SDHB: variants seen among roughly 807,000 people sequenced by gnomAD.
The protein encoded by SDHB is succinate dehydrogenase complex iron sulfur subunit B.
SDHB carries 21 observed loss-of-function variants against 39.7 expected under a neutral mutation model. The ratio of observed to expected loss-of-function variants is 0.53; its 90% CI spans 0.37 to 0.76. SDHB has a LOEUF of 0.76. Ranked by LOEUF, SDHB falls within the 30% of genes least tolerant of loss-of-function variation. SDHB has a pLI of 0.00. For synonymous variants in SDHB, 118 were observed against 117.0 expected (o/e 1.01, Z -0.06); for missense variants, 343 against 350.9 (o/e 0.98, Z 0.18).
chr1:17,028,869 G>A, intron 3 of SDHB, 133 bp from the exon 4 acceptor site: 1 of 1,102,290 alleles, frequency 9.1e-7, no homozygotes, highest in Non-Finnish European at 1.4e-6. Context: ...TGACAGAGGT[G>A]CCTGTTGGCT....
chr1:17,024,139 A>T lies in SDHB; in HGVS notation c.541-65T>A, dbSNP rs1025704751. ...AGAGACTCTGCTATGTCTTCAGCTG[A>T]TTAAATGTTACCTTTGGGGTCAGTG... On this transcript the variant is annotated intron_variant, in intron 5 of 7. Coordinates refer to ENST00000375499, the MANE Select transcript of SDHB (RefSeq NM_003000.3). 9 of 1,146,308 alleles carry T rather than the reference A, an allele frequency of 7.9e-6. No homozygotes were observed. The Admixed American group carries it at 9.2e-5, about 12-fold the overall frequency. The allele number at this position is 1,146,308 out of a possible 1,614,324, so 71.0% of individuals were successfully genotyped here.
At chr1:17,029,882 TGCC>T (rs1215751322) in intron 3 of SDHB, among the ~76,000 whole-genome samples, 1 of 152,186 alleles carries the variant, frequency 6.6e-6, no homozygotes, top group Non-Finnish European at 1.5e-5. Context: ...TACAGGCACA[TGCC>T]GCCATGTGCG....
intron 7 of SDHB, among the ~76,000 whole-genome samples, chr1:17,022,398 G>A (rs2072992099): frequency 6.6e-6 from 1 of 152,130 alleles, no homozygotes; most frequent in African/African-American, 2.4e-5. Context: ...TACAAATAAA[G>A]CCTGCTCCTG....
intron 1 of SDHB, among the ~76,000 whole-genome samples, chr1:17,050,478 G>A (rs6703561): frequency 0.04 from 6,104 of 151,912 alleles, 161 homozygotes; most frequent in African/African-American, 0.07. Flanking sequence ...GTGAAACCCC[G>A]TCTCTACTAA....
Position 17,031,619 on chromosome 1 carries a change from C to T in SDHB, c.286+1441G>A, listed in dbSNP as rs79146253. On this transcript the variant is annotated intron_variant, in intron 3 of 7. Coordinates refer to ENST00000375499, the MANE Select transcript of SDHB (RefSeq NM_003000.3). ...TCATAATATCCATCAGCATTTGCAA[C>T]GCTAAATAAGATTAGCTGAATCAAA... is the stretch of plus-strand genomic sequence containing the variant. Among the ~76,000 whole-genome samples the T allele has an allele frequency of 1.1e-3, 172 of 152,218 alleles. No homozygotes were observed. In the East Asian group the frequency reaches 0.013, roughly 11 times the overall value.
At chr1:17,037,306 CT>C (rs548300676) in intron 2 of SDHB, among the ~76,000 whole-genome samples, 142 of 145,264 alleles carry the variant, frequency 9.8e-4, no homozygotes, top group Admixed American at 1.0e-3. Flanking sequence ...ATTTTCTTTT[CT>C]TTTTTTTTTT....
rs145233189 is a variant in SDHB at position 17,051,337 on chromosome 1, T to C, written c.72+2611A>G. Among the ~76,000 whole-genome samples, 579 of 152,326 alleles carry C rather than the reference T, an allele frequency of 3.8e-3. 1 individual carries two copies. The highest frequency in any genetic ancestry group is 0.013 in the African/African-American group (549 of 41,566). On this transcript the variant is annotated intron_variant, in intron 1 of 7. Coordinates refer to ENST00000375499, the MANE Select transcript of SDHB (RefSeq NM_003000.3). ...TTCATAGTTTATAATTTAAGCAAGG[T>C]AAGCAACAACTGAACTGAGAAGGGT...
At chr1:17,019,019 C>A in intron 7 of SDHB, 61 bp from the exon 8 acceptor site, 3 of 1,308,470 alleles carry the variant, frequency 2.3e-6, no homozygotes, top group Non-Finnish European at 3.3e-6. Flanking sequence ...GGAAAACCCA[C>A]AATCTTGGGT....
At chr1:17,034,426 G>C (rs564011241) in intron 2 of SDHB, among the ~76,000 whole-genome samples, 5 of 152,178 alleles carry the variant, frequency 3.3e-5, no homozygotes, top group African/African-American at 1.2e-4. Context: ...TGGGATTATG[G>C]GTGTGAGGCA....
intron 5 of SDHB, among the ~76,000 whole-genome samples, chr1:17,025,308 CATTT>C (rs1380047180): frequency 3.3e-5 from 5 of 151,838 alleles, no homozygotes; most frequent in African/African-American, 1.2e-4. Flanking sequence ...AGCATATTTA[CATTT>C]TGATCCCAGC....
At chr1:17,022,919 A>G in intron 6 of SDHB, 189 bp from the exon 7 acceptor site, 1 of 683,614 alleles carries the variant, frequency 1.5e-6, no homozygotes, top group Non-Finnish European at 2.5e-6. Flanking sequence ...CACTTGATTA[A>G]TGGTCCCTGC....
chr1:17,032,932 G>C lies in SDHB; in HGVS notation c.286+128C>G. ...TGCATTTACCCAAGAAAAGGAATTA[G>C]GTTGCACAGCAAGTTCACCCAGCAG... is the stretch of plus-strand genomic sequence containing the variant. On this transcript the variant is annotated intron_variant, in intron 3 of 7. Coordinates refer to ENST00000375499, the MANE Select transcript of SDHB (RefSeq NM_003000.3). 5.3e-6 allele frequency: 4 copies of C among 751,202 alleles called. 1 individual carries two copies. Among genetic ancestry groups the C allele is most frequent in the Middle Eastern group, 4.6e-4 (2 of 4,334 alleles). The allele number at this position is 751,202 out of a possible 1,614,324, so 46.5% of individuals were successfully genotyped here. A position where few individuals can be genotyped will look rare whatever the true frequency, so the allele number is the denominator to read the frequency against.
chr1:17,024,162 G>T, intron 5 of SDHB, 88 bp from the exon 6 acceptor site: 1 of 920,564 alleles, frequency 1.1e-6, no homozygotes, highest in Non-Finnish European at 1.7e-6. Flanking sequence ...TTTGGGGTCA[G>T]TGCATGAACA....
At chr1:17,026,396 G>C (rs541636823) in intron 5 of SDHB, among the ~76,000 whole-genome samples, 10 of 152,094 alleles carry the variant, frequency 6.6e-5, no homozygotes, top group African/African-American at 2.4e-4. Flanking sequence ...ACGGAGTCTT[G>C]CTCTGTTGCC....
intron 1 of SDHB, among the ~76,000 whole-genome samples, chr1:17,050,633 C>T (rs1254951446): frequency 6.9e-6 from 1 of 145,298 alleles, no homozygotes; most frequent in African/African-American, 2.5e-5. Context: ...TCCTGGGCAA[C>T]AACGTGAGCG....
At chr1:17,049,748 C>T (rs1362516569) in intron 1 of SDHB, among the ~76,000 whole-genome samples, 3 of 131,674 alleles carry the variant, frequency 2.3e-5, no homozygotes, top group Non-Finnish European at 4.6e-5. Context: ...TGGGTTCAAG[C>T]AATTCTCCTG....
At chr1:17,051,602 G>A (rs1467003595) in intron 1 of SDHB, among the ~76,000 whole-genome samples, 1 of 150,452 alleles carries the variant, frequency 6.6e-6, no homozygotes, top group Admixed American at 6.7e-5. Flanking sequence ...CTTACAAGCT[G>A]TGTATTCTTC....
At chr1:17,031,394 A>G (rs2078022135) in intron 3 of SDHB, among the ~76,000 whole-genome samples, 1 of 152,200 alleles carries the variant, frequency 6.6e-6, no homozygotes, top group Non-Finnish European at 1.5e-5. Context: ...GGGAATAAAA[A>G]GGAGTAGCAA....
chr1:17,049,358 C>T lies in SDHB; in HGVS notation c.73-4470G>A, dbSNP rs769224104. Among the ~76,000 whole-genome samples, 12 of 151,760 alleles carry T rather than the reference C, an allele frequency of 7.9e-5. No homozygotes were observed. In the East Asian group the frequency reaches 9.8e-4, roughly 12 times the overall value. Reference sequence around the variant, plus strand: ...TGTTGCTCAGGCTGGAGTGCAGTGGCGCGATCTTGGATCGCTGCAACCTCC... The same window carrying T: ...TGTTGCTCAGGCTGGAGTGCAGTGGTGCGATCTTGGATCGCTGCAACCTCC... On this transcript the variant is annotated intron_variant, in intron 1 of 7. Coordinates refer to ENST00000375499, the MANE Select transcript of SDHB (RefSeq NM_003000.3).
Sources: allele counts gnomAD v4.1 joint callset (sites outside exome capture counted in the v4.1 genomes callset), GRCh38; gene constraint gnomAD v4.1.1; transcripts MANE v1.5; gene names NCBI Gene and HGNC (gene_info 2026-07-23, HGNC 2026-07-21).